STX8: variants seen among roughly 807,000 people sequenced by gnomAD.
STX8 encodes the protein syntaxin 8, also known as syntaxin-8.
STX8 carries 23 observed loss-of-function variants against 37.5 expected under a neutral mutation model. That is an observed-to-expected ratio of 0.61 (90% CI 0.44 to 0.87). STX8 has a LOEUF of 0.87. Ranked by LOEUF, STX8 falls within the 40% of genes least tolerant of loss-of-function variation. The pLI is 0.00. For missense variants in STX8, 313 were observed against 284.7 expected, an observed-to-expected ratio of 1.10 and a Z score of -0.71; for synonymous variants, 115 against 99.1, an observed-to-expected ratio of 1.16 and a Z score of -0.95.
chr17:9,297,605 C>T (rs1283884993), intron 7 of STX8, among the ~76,000 whole-genome samples: 4 of 152,196 alleles, frequency 2.6e-5, no homozygotes, highest in Non-Finnish European at 2.9e-5. Context: ...CAGTAGCTCA[C>T]GCCTATGGTT....
At chr17:9,509,898 C>T (rs1904969151) in intron 4 of STX8, among the ~76,000 whole-genome samples, 1 of 149,412 alleles carries the variant, frequency 6.7e-6, no homozygotes, top group African/African-American at 2.5e-5. Flanking sequence ...CTCACCTGAC[C>T]TACAGACACA....
At chr17:9,330,488 T>A (rs573577075) in intron 7 of STX8, among the ~76,000 whole-genome samples, 1 of 152,274 alleles carries the variant, frequency 6.6e-6, no homozygotes, top group African/African-American at 2.4e-5. Context: ...TGTTAGTCCA[T>A]CCTTGCGATG....
At chr17:9,565,830 C>T (rs1004139704) in intron 2 of STX8, among the ~76,000 whole-genome samples, 1 of 152,098 alleles carries the variant, frequency 6.6e-6, no homozygotes, top group African/African-American at 2.4e-5. Flanking sequence ...AAAGACTTAA[C>T]TGTAAAACCT....
intron 4 of STX8, among the ~76,000 whole-genome samples, chr17:9,535,562 A>G (rs1265495804): frequency 6.7e-6 from 1 of 150,168 alleles, no homozygotes; most frequent in Non-Finnish European, 1.5e-5. Flanking sequence ...CCTCCTGAGT[A>G]GCTGGGACTA....
intron 4 of STX8, among the ~76,000 whole-genome samples, chr17:9,527,468 A>AT: frequency 6.6e-6 from 1 of 152,148 alleles, no homozygotes; most frequent in Non-Finnish European, 1.5e-5. Context: ...TAAAATTAAC[A>AT]TAATGAACTA....
chr17:9,378,837 TAAA>T (rs1294507931), intron 6 of STX8, among the ~76,000 whole-genome samples, 184 bp from the exon 7 acceptor site: 1 of 150,716 alleles, frequency 6.6e-6, no homozygotes, highest in Non-Finnish European at 1.5e-5. Context: ...AAAGCAGTAG[TAAA>T]GAAGAAAACT....
At chr17:9,540,600 C>A (rs534357655) in intron 4 of STX8, 15 of 152,228 alleles carry the variant, frequency 9.9e-5, no homozygotes, top group African/African-American at 3.4e-4. Flanking sequence ...TGTCCAGTCG[C>A]CACATTGGTT....
At chr17:9,352,084 G>T (rs998338353) in intron 7 of STX8, among the ~76,000 whole-genome samples, 2 of 151,180 alleles carry the variant, frequency 1.3e-5, no homozygotes, top group Admixed American at 1.3e-4. Context: ...CTGGAAGATG[G>T]AGGGCTTCGG....
chr17:9,489,500 T>C (rs6503213), intron 6 of STX8, among the ~76,000 whole-genome samples: 94,916 of 151,856 alleles, frequency 0.63, 32,138 homozygotes, highest in Middle Eastern at 0.8. Context: ...AAATTATGCA[T>C]GTAAAGCACC....
intron 3 of STX8, among the ~76,000 whole-genome samples, chr17:9,550,576 A>AAAAT (rs898354802): frequency 6.6e-6 from 1 of 152,202 alleles, no homozygotes; most frequent in African/African-American, 2.4e-5. Context: ...TCCATCTCAA[A>AAAAT]AAATAAATAA....
chr17:9,439,336 A>G (rs992867390), intron 6 of STX8, among the ~76,000 whole-genome samples: 3 of 152,210 alleles, frequency 2.0e-5, no homozygotes, highest in Admixed American at 6.5e-5. Context: ...ATTTGAACAT[A>G]GCATTTGTTT....
rs1428738730 is a variant in STX8, at chr17:9,557,605, C to T, written c.118-77G>A. The T allele has an allele frequency of 4.0e-6, 5 of 1,263,802 alleles. No homozygotes were observed. The African/African-American group carries it at 4.4e-5, about 11-fold the overall frequency. The allele number at this position is 1,263,802 out of a possible 1,614,324, so 78.3% of individuals were successfully genotyped here. ...ACAAAATTACATCACGTAAACACTA[C>T]TTCACGGGCTATGATGCAACCAAGC... is the stretch of plus-strand genomic sequence containing the variant. On this transcript the variant is annotated intron_variant, in intron 2 of 7. Transcript: ENST00000306357.
At chr17:9,562,487 T>C (rs1323906689) in intron 2 of STX8, among the ~76,000 whole-genome samples, 3 of 150,746 alleles carry the variant, frequency 2.0e-5, no homozygotes, top group Non-Finnish European at 4.4e-5. Flanking sequence ...AGGAAATAAC[T>C]ACAATTTATC....
intron 5 of STX8, among the ~76,000 whole-genome samples, chr17:9,502,771 G>A (rs920423055): frequency 1.3e-5 from 2 of 152,060 alleles, no homozygotes; most frequent in African/African-American, 4.8e-5. Context: ...CACAGATTGT[G>A]GTAAATCCAT....
intron 7 of STX8, among the ~76,000 whole-genome samples, chr17:9,302,695 A>C (rs1475023287): frequency 6.6e-6 from 1 of 152,082 alleles, no homozygotes; most frequent in Non-Finnish European, 1.5e-5. Context: ...ATGAGGATCC[A>C]CAGAGCACTG....
intron 6 of STX8, among the ~76,000 whole-genome samples, chr17:9,393,613 T>C (rs562559129): frequency 2.6e-5 from 4 of 152,340 alleles, no homozygotes; most frequent in African/African-American, 9.6e-5. Context: ...AGATACTGAT[T>C]CTAAGTAGAC....
chr17:9,380,594 G>C (rs1319458848), intron 6 of STX8, among the ~76,000 whole-genome samples: 2 of 151,576 alleles, frequency 1.3e-5, no homozygotes, highest in Non-Finnish European at 2.9e-5. Context: ...TGTGCCACAT[G>C]ACATTTCAGT....
chr17:9,281,093 C>G (rs1452880324), intron 7 of STX8, among the ~76,000 whole-genome samples: 1 of 152,012 alleles, frequency 6.6e-6, no homozygotes, highest in Non-Finnish European at 1.5e-5. Flanking sequence ...GGTTCACAGA[C>G]GCAAATCTGC....
At chr17:9,424,958 A>G (rs1913572721) in intron 6 of STX8, among the ~76,000 whole-genome samples, 1 of 152,198 alleles carries the variant, frequency 6.6e-6, no homozygotes, top group Non-Finnish European at 1.5e-5. Context: ...GAGAGGTTAA[A>G]AGTGCCAGAG....
Sources: gnomAD v4.1 joint callset for allele counts (sites outside exome capture counted in the v4.1 genomes callset) on GRCh38, gnomAD v4.1.1 for gene constraint, MANE v1.5 for transcripts, NCBI Gene and HGNC (gene_info 2026-07-23, HGNC 2026-07-21) for gene names.